Variants in PLA2G4E observed in about 807,000 individuals in gnomAD.
PLA2G4E encodes cytosolic phospholipase A2 epsilon.
Under a neutral mutation model 109.1 loss-of-function variants are expected in PLA2G4E, and 84 were observed. The observed-to-expected ratio is 0.77, with a 90% CI of 0.65 to 0.92. The LOEUF is 0.92. PLA2G4E is among the 40% of genes least tolerant of loss of function. PLA2G4E has a pLI of 0.00. For synonymous variants in PLA2G4E, 469 were observed against 436.1 expected, an observed-to-expected ratio of 1.08 and a Z score of -0.94; for missense variants, 1,057 against 1,076.6, an observed-to-expected ratio of 0.98 and a Z score of 0.25.
rs574517194 is a variant in PLA2G4E, at chr15:42,007,691, G to T, written c.393+38C>A. 8 of 1,597,296 alleles carry T rather than the reference G, an allele frequency of 5.0e-6. No individual in the cohort carries two copies. The East Asian group carries it at 6.7e-5, about 13-fold the overall frequency. Reference sequence around the variant, plus strand: ...CAAGTGGGCAAGAGGGGAGTAAAATGCAGACAGGGAAGACAGGTGCAGTCC... The same window carrying T: ...CAAGTGGGCAAGAGGGGAGTAAAATTCAGACAGGGAAGACAGGTGCAGTCC... On this transcript the variant is annotated intron_variant, in intron 3 of 19. Transcript: ENST00000399518.
In PLA2G4E at chr15:42,008,270, G is replaced by T. The variant is rs949213338; in HGVS notation, c.257-405C>A. Among the ~76,000 whole-genome samples the T allele has an allele frequency of 3.3e-5, 5 of 152,232 alleles. 1 individual carries two copies. The South Asian group carries it at 6.2e-4, about 19-fold the overall frequency. On this transcript the variant is annotated intron_variant, in intron 2 of 19. Transcript: ENST00000399518. The stretch of plus-strand genomic sequence containing the variant: ...AGGGGACCAGGAAAACCAAAGTAGG[G>T]CCAAGCACTCCCTCTGGGCTGAGGA...
intron 17 of PLA2G4E, 82 bp downstream of exon 17, chr15:41,987,090 T>C: frequency 1.4e-6 from 2 of 1,424,180 alleles, no homozygotes; most frequent in Non-Finnish European, 2.0e-6. Flanking sequence ...GTTTTCTTAT[T>C]CTTTATCCAT....
chr15:42,050,521 C>T (rs1889488284), exon 1 of PLA2G4E: 1 of 1,550,026 alleles, frequency 6.5e-7, no homozygotes, highest in Non-Finnish European at 8.7e-7. Context: ...ACAGACATAC[C>T]TCAGAGCCCC....
At chr15:42,012,068 G>A (rs925615646) in intron 2 of PLA2G4E, among the ~76,000 whole-genome samples, 1 of 152,316 alleles carries the variant, frequency 6.6e-6, no homozygotes, top group Non-Finnish European at 1.5e-5. Flanking sequence ...TGCTGGCGCA[G>A]GCTCTGGACA....
At chr15:41,983,445 C>T (rs958936949) in exon 20 of PLA2G4E, 2 of 334,226 alleles carry the variant, frequency 6.0e-6, no homozygotes, top group Non-Finnish European at 1.1e-5. Context: ...TTCTGGGGGC[C>T]CAGCCTCTTC....
At chr15:42,044,980 A>C (rs977545399) in intron 1 of PLA2G4E, among the ~76,000 whole-genome samples, 1 of 152,082 alleles carries the variant, frequency 6.6e-6, no homozygotes, top group African/African-American at 2.4e-5. Flanking sequence ...CCTACACGGC[A>C]TGGTGATAGA....
At chr15:41,999,865 A>C in intron 9 of PLA2G4E, 52 bp downstream of exon 9, 27 of 1,464,568 alleles carry the variant, frequency 1.8e-5, no homozygotes, top group Non-Finnish European at 2.5e-5. Flanking sequence ...TCCCTACCAC[A>C]GGAGCTCCAG....
intron 1 of PLA2G4E, 110 bp from the exon 2 acceptor site, chr15:42,013,867 A>C: frequency 1.5e-6 from 1 of 662,934 alleles, no homozygotes; most frequent in East Asian, 3.2e-5. Context: ...TTGCATTACA[A>C]CAACCCCTAG....
chr15:42,037,758 C>G (rs1889244078), intron 1 of PLA2G4E, among the ~76,000 whole-genome samples: 1 of 152,234 alleles, frequency 6.6e-6, no homozygotes, highest in South Asian at 2.1e-4. Flanking sequence ...CCCTGTGGTT[C>G]CCGGCATCTC....
chr15:41,998,235 T>C (rs1450899206), intron 10 of PLA2G4E: 2 of 152,268 alleles, frequency 1.3e-5, no homozygotes, highest in African/African-American at 2.4e-5. Context: ...ATTTCCATCA[T>C]GTCTCCTCTT....
chr15:41,999,312 A>C (rs1178153235), intron 10 of PLA2G4E, among the ~76,000 whole-genome samples: 1 of 152,214 alleles, frequency 6.6e-6, no homozygotes, highest in Non-Finnish European at 1.5e-5. Flanking sequence ...CTTACAACTT[A>C]ACAATAAAAA....
intron 18 of PLA2G4E, among the ~76,000 whole-genome samples, chr15:41,984,957 C>T (rs529243819): frequency 6.6e-6 from 1 of 152,314 alleles, no homozygotes; most frequent in South Asian, 2.1e-4. Context: ...GCCCAGGCCC[C>T]TGTGGGATGT....
chr15:42,023,399 G>A (rs559149815), intron 1 of PLA2G4E, among the ~76,000 whole-genome samples: 25 of 151,520 alleles, frequency 1.6e-4, no homozygotes, highest in African/African-American at 5.3e-4. Flanking sequence ...ATATTTGGAC[G>A]TAGTCTCTAA....
chr15:42,031,167 CTA>C (rs1470889787), intron 1 of PLA2G4E, among the ~76,000 whole-genome samples: 1 of 152,070 alleles, frequency 6.6e-6, no homozygotes, highest in Non-Finnish European at 1.5e-5. Flanking sequence ...CGGGGTCTCA[CTA>C]TGTTGCCCAC....
chr15:41,995,390 C>T (rs1266624371), exon 12 of PLA2G4E: 1 of 1,613,546 alleles, frequency 6.2e-7, no homozygotes, highest in Non-Finnish European at 8.5e-7. Flanking sequence ...GGTGATGTAG[C>T]TGGCACAGTC....
At position 41,995,342 on chromosome 15, in the gene PLA2G4E, T is replaced by C. The variant is rs751871517; in HGVS notation, c.1247+18A>G. Reference sequence around the variant, plus strand: ...GGCTTGCCCTGGGCTCCACAGACAGTGGCTCATGTCTCCTTACCAGGTGGC... The same window carrying C: ...GGCTTGCCCTGGGCTCCACAGACAGCGGCTCATGTCTCCTTACCAGGTGGC... On this transcript the variant is annotated intron_variant, in intron 12 of 19. Transcript: ENST00000399518. The C allele has an allele frequency of 1.7e-5, 27 of 1,607,764 alleles. No homozygotes were observed. The highest frequency in any genetic ancestry group is 2.3e-5 in the Non-Finnish European group (27 of 1,175,020).
chr15:42,032,868 C>G (rs543495838), intron 1 of PLA2G4E, among the ~76,000 whole-genome samples: 128 of 152,218 alleles, frequency 8.4e-4, no homozygotes, highest in Admixed American at 2.1e-3. Context: ...AGTGAGGGGA[C>G]CGAGATTTGG....
intron 18 of PLA2G4E, 71 bp from the exon 19 acceptor site, chr15:41,984,690 G>T: frequency 7.4e-7 from 1 of 1,352,198 alleles, no homozygotes; most frequent in Non-Finnish European, 9.8e-7. Flanking sequence ...AGAGTTCTTA[G>T]CCCCAGCTTC....
intron 1 of PLA2G4E, among the ~76,000 whole-genome samples, chr15:42,026,946 C>T (rs769796376): frequency 6.7e-6 from 1 of 149,574 alleles, no homozygotes; most frequent in East Asian, 2.0e-4. Flanking sequence ...GCCCTCCAAC[C>T]TGGGCGACAG....
Sources: allele counts gnomAD v4.1 joint callset (sites outside exome capture counted in the v4.1 genomes callset), GRCh38; gene constraint gnomAD v4.1.1; transcripts MANE v1.5; gene names NCBI Gene and HGNC (gene_info 2026-07-23, HGNC 2026-07-21).